SLC25A25: variants seen among roughly 807,000 people sequenced by gnomAD.
SLC25A25 encodes the protein solute carrier family 25 member 25.
In SLC25A25, 32 loss-of-function variants were observed where a neutral mutation model predicts 57.7. That is an observed-to-expected ratio of 0.55 (90% confidence interval 0.42 to 0.74). The LOEUF (loss-of-function observed/expected upper bound fraction) is 0.74. Ranked by LOEUF, SLC25A25 falls within the 30% of genes least tolerant of loss-of-function variation. SLC25A25 has a pLI of 0.00. For synonymous variants in SLC25A25, 306 were observed against 291.2 expected, an observed-to-expected ratio of 1.05 and a Z score of -0.52; for missense variants, 556 against 701.3, an observed-to-expected ratio of 0.79 and a Z score of 2.34.
intron 1 of SLC25A25, among the ~76,000 whole-genome samples, chr9:128,077,318 G>C (rs1018119744): frequency 6.6e-6 from 1 of 151,728 alleles, no homozygotes; most frequent in Non-Finnish European, 1.5e-5. Context: ...ACGAGGTCAG[G>C]GGATCGATAC....
rs772329874 is a variant in SLC25A25 at position 128,105,866 on chromosome 9, C to T, written c.921C>T (p.Phe307=). ...LKIAPESAIK[F]MAYEQIKRLV... Reference sequence around the variant, plus strand: ...TTGCCCCCGAATCAGCCATCAAATTCATGGCCTATGAGCAGGTGAGGACCC... The same window carrying T: ...TTGCCCCCGAATCAGCCATCAAATTTATGGCCTATGAGCAGGTGAGGACCC... The change falls in exon 7 of 11, where the codon TTC becomes TTT. Residue 307 remains phenylalanine, a synonymous_variant. Transcript: ENST00000373069. 1.1e-5 allele frequency: 17 copies of T among 1,614,134 alleles called. No individual in the cohort carries two copies. The highest frequency in any genetic ancestry group is 1.4e-5 in the Non-Finnish European group (16 of 1,180,022).
intron 1 of SLC25A25, among the ~76,000 whole-genome samples, chr9:128,086,364 GC>G (rs1207414010): frequency 1.2e-5 from 1 of 83,610 alleles, no homozygotes. Context: ...ACAGAGTTTT[GC>G]CCTTGTTGCC....
At chr9:128,092,965 G>A (rs114918987) in intron 1 of SLC25A25, among the ~76,000 whole-genome samples, 3,270 of 152,236 alleles carry the variant, frequency 0.021, 113 homozygotes, top group African/African-American at 0.075. Flanking sequence ...CCCTGCTGTA[G>A]GAGTGACCTC....
chr9:128,087,922 T>G (rs955243194), intron 1 of SLC25A25, among the ~76,000 whole-genome samples: 6 of 152,234 alleles, frequency 3.9e-5, no homozygotes, highest in Non-Finnish European at 8.8e-5. Flanking sequence ...CTTTCCTTAC[T>G]TTCTTGTGCA....
In SLC25A25 at chr9:128,074,683, C is replaced by T. The variant is rs561804550; in HGVS notation, c.261+6103C>T. On this transcript the variant is annotated intron_variant, in intron 1 of 10. Transcript: ENST00000373069. ...GAGATCGTGCCAACACGGGCCTGGC[C>T]GACAGAGCCAGACTCTGTCTCAAAA... Among the ~76,000 whole-genome samples, 25 of 151,970 alleles carry T rather than the reference C, an allele frequency of 1.6e-4. 1 individual carries two copies. In the South Asian group the frequency reaches 5.0e-3, roughly 30 times the overall value.
chr9:128,096,939 C>T (rs1196431468), intron 1 of SLC25A25, among the ~76,000 whole-genome samples: 1 of 152,246 alleles, frequency 6.6e-6, no homozygotes, highest in East Asian at 1.9e-4. Flanking sequence ...AAGACCTGTT[C>T]TCACAGACTC....
intron 1 of SLC25A25, among the ~76,000 whole-genome samples, chr9:128,100,654 C>T (rs1833750261): frequency 6.6e-6 from 1 of 152,206 alleles, no homozygotes; most frequent in African/African-American, 2.4e-5. Context: ...AAACTGGACT[C>T]CATGGCCATC....
At chr9:128,070,965 A>G (rs1447040890) in intron 1 of SLC25A25, among the ~76,000 whole-genome samples, 1 of 145,786 alleles carries the variant, frequency 6.9e-6, no homozygotes, top group Non-Finnish European at 1.5e-5. Flanking sequence ...AAAAAAAAAA[A>G]AAAAAAAAGA....
At chr9:128,075,640 G>C (rs12555458) in intron 1 of SLC25A25, among the ~76,000 whole-genome samples, 4 of 152,104 alleles carry the variant, frequency 2.6e-5, no homozygotes, top group African/African-American at 9.7e-5. Flanking sequence ...TCAGGAGTTC[G>C]AGACTAGCCT....
At chr9:128,093,966 G>C (rs1242771786) in intron 1 of SLC25A25, among the ~76,000 whole-genome samples, 1 of 152,144 alleles carries the variant, frequency 6.6e-6, no homozygotes, top group East Asian at 1.9e-4. Flanking sequence ...TGGCCAATAT[G>C]GTGAAACCCC....
chr9:128,106,446 G>A lies in SLC25A25; in HGVS notation c.1138G>A (p.Ala380Thr), dbSNP rs1222697568. Reference sequence around the variant, plus strand: ...GATCCTGGCCAGAGAGGGGGTGGCCGCCTTCTACAAAGGCTATGTCCCCAA... The same window carrying A: ...GATCCTGGCCAGAGAGGGGGTGGCCACCTTCTACAAAGGCTATGTCCCCAA... Reference protein sequence around the residue: ...RRILAREGVAAFYKGYVPNML... With the variant: ...RRILAREGVATFYKGYVPNML... The change falls in exon 9 of 11, where the codon GCC becomes ACC. Residue 380 changes from alanine to threonine, a missense_variant. Ala to Thr is a moderately conservative substitution (Grantham distance 58). This residue lies in a region of SLC25A25 where 294 missense variants were observed against 389.6 expected (regional missense o/e 0.75). Transcript: ENST00000373069. 22 of 1,613,238 alleles carry A rather than the reference G, an allele frequency of 1.4e-5. No homozygotes were observed. Among genetic ancestry groups the A allele is most frequent in the Middle Eastern group, 1.6e-4 (1 of 6,082 alleles).
Position 128,103,781 on chromosome 9 carries a change from CA to C in SLC25A25, c.726del (p.Ala244ProfsTer36). On this transcript the variant is annotated frameshift_variant, in exon 6 of 11. Transcript: ENST00000373069. LOFTEE classifies it high-confidence loss of function. This position sits in a 1 kb window ranked among gnomAD's most constrained non-coding sequence, Gnocchi z 6.7. Reference sequence around the variant, plus strand: ...AGACACCTGGTGGCAGGAGGTGGGGCAGGGGCCGTATCCAGAACCTGCACGG... The same window carrying C: ...AGACACCTGGTGGCAGGAGGTGGGGCGGGGCCGTATCCAGAACCTGCACGG... ...WWRHLVAGGG[A>X]GAVSRTCTAP... 6.2e-7 allele frequency: 1 copy of C among 1,613,658 alleles called. No homozygotes were observed. The highest frequency in any genetic ancestry group is 8.5e-7 in the Non-Finnish European group (1 of 1,179,782).
rs1383318088 is a variant in SLC25A25, at chr9:128,103,736, G to A, written c.680G>A (p.Arg227Lys). 1 of 1,614,204 alleles carries A rather than the reference G, an allele frequency of 6.2e-7. No homozygotes were observed. Among genetic ancestry groups the A allele is most frequent in the Admixed American group, 1.7e-5 (1 of 60,028 alleles). Residue 227 changes from arginine (R) to lysine (K), a missense_variant, in exon 6 of 11, where the codon AGG becomes AAG. Arg to Lys is a conservative substitution (Grantham distance 26, BLOSUM62 2). Coordinates refer to ENST00000373069, the MANE Select transcript of SLC25A25 (RefSeq NM_001330988.2). The surrounding 1 kb of genome is among the most constrained non-coding windows in gnomAD (Gnocchi z 6.7). The part of the protein sequence containing the change: ...TVPDEFTVEE[R>K]QTGMWWRHLV... ...CCGGATGAGTTCACAGTGGAGGAGA[G>A]GCAGACGGGGATGTGGTGGAGACAC...
At chr9:128,070,532 C>T (rs1832882214) in intron 1 of SLC25A25, among the ~76,000 whole-genome samples, 2 of 151,926 alleles carry the variant, frequency 1.3e-5, no homozygotes, top group South Asian at 4.1e-4. Flanking sequence ...TGAGCCACCG[C>T]ACCCGGCTAG....
rs1159880669 is a variant in SLC25A25, at chr9:128,103,821, G to C, written c.765G>C (p.Arg255Ser). 1 of 1,602,698 alleles carries C rather than the reference G, an allele frequency of 6.2e-7. No homozygotes were observed. Among genetic ancestry groups the C allele is most frequent in the East Asian group, 2.2e-5 (1 of 44,696 alleles). ...VSRTCTAPLDRLKVLMQVHAS... is the reference protein window; with the variant it reads ...VSRTCTAPLDSLKVLMQVHAS... ...GAACCTGCACGGCCCCCCTGGACAG[G>C]CTCAAGGTGCTCATGCAGGTATGTA... The change falls in exon 6 of 11, where the codon AGG becomes AGC. Residue 255 changes from arginine to serine, a missense_variant. Around this residue, in one of 3 missense-constraint regions of SLC25A25, gnomAD observed 294 missense variants for 389.6 expected, o/e 0.75. Transcript: ENST00000373069. The surrounding 1 kb of genome is among the most constrained non-coding windows in gnomAD (Gnocchi z 6.7).
intron 1 of SLC25A25, among the ~76,000 whole-genome samples, chr9:128,087,615 G>A (rs1200107201): frequency 6.6e-6 from 1 of 152,102 alleles, no homozygotes; most frequent in African/African-American, 2.4e-5. Flanking sequence ...AATAAATTTG[G>A]AGAAATATTT....
chr9:128,069,244 C>G (rs1042313154), intron 1 of SLC25A25, among the ~76,000 whole-genome samples: 3 of 152,190 alleles, frequency 2.0e-5, no homozygotes, highest in Non-Finnish European at 4.4e-5. Context: ...ATTGTGGGCT[C>G]TTGGCCGAGG....
Position 128,099,965 on chromosome 9 carries a change from T to C in SLC25A25, c.262-1131T>C, listed in dbSNP as rs1474522333. Among the ~76,000 whole-genome samples, 1 of 152,104 alleles carries C rather than the reference T, an allele frequency of 6.6e-6. No individual in the cohort carries two copies. Among genetic ancestry groups the C allele is most frequent in the Non-Finnish European group, 1.5e-5 (1 of 68,010 alleles). On this transcript the variant is annotated intron_variant, in intron 1 of 10. Coordinates refer to ENST00000373069, the MANE Select transcript of SLC25A25 (RefSeq NM_001330988.2). This position sits in a 1 kb window ranked among gnomAD's most constrained non-coding sequence, Gnocchi z 6.8. ...AGTTTTGGGTTCCGGATTCAGGGCG[T>C]TGCTGAGTTGGGGTGACTCACTTTC...
intron 1 of SLC25A25, among the ~76,000 whole-genome samples, chr9:128,088,965 G>A (rs10760535): frequency 0.74 from 112,655 of 151,766 alleles, 43,620 homozygotes; most frequent in Non-Finnish European, 0.85. Flanking sequence ...CACTCTGTCA[G>A]CCAGGCTGCA....
Sources: allele counts gnomAD v4.1 joint callset (sites outside exome capture counted in the v4.1 genomes callset), GRCh38; gene constraint gnomAD v4.1.1; regional missense constraint gnomAD v4.1.1; non-coding constraint Gnocchi (gnomAD v3.1); transcripts MANE v1.5; gene names NCBI Gene and HGNC (gene_info 2026-07-23, HGNC 2026-07-21).